The following ROBO1 variants were observed in gnomAD, a reference collection of about 807,000 sequenced individuals.
The protein encoded by ROBO1 is roundabout homolog 1.
ROBO1 carries 149 observed loss-of-function variants against 195.9 expected under a neutral mutation model. The ratio of observed to expected loss-of-function variants is 0.76; its 90% CI spans 0.67 to 0.87. The LOEUF (loss-of-function observed/expected upper bound fraction) is 0.87, where lower values mean the gene tolerates loss of function less well. ROBO1 is among the 40% of genes least tolerant of loss of function. The probability of loss-of-function intolerance (pLI) is 0.00; values close to 1 mark genes in which losing one functional copy is unlikely to be tolerated. For synonymous variants in ROBO1, 816 were observed against 733.2 expected (o/e 1.11, Z -1.82); for missense variants, 1,933 against 2,068.3 (o/e 0.93, Z 1.27).
At chr3:78,944,983 C>T (rs1039016326) in intron 3 of ROBO1, among the ~76,000 whole-genome samples, 3 of 152,124 alleles carry the variant, frequency 2.0e-5, no homozygotes, top group Non-Finnish European at 4.4e-5. Flanking sequence ...CCGCCATTGC[C>T]GAGTTAGTTG....
chr3:78,778,703 A>C (rs993114005), intron 4 of ROBO1, among the ~76,000 whole-genome samples: 1 of 152,192 alleles, frequency 6.6e-6, no homozygotes, highest in African/African-American at 2.4e-5. Flanking sequence ...AAAGTAATTT[A>C]TAGATTCAAC....
At chr3:78,840,993 T>C (rs1036562585) in intron 4 of ROBO1, among the ~76,000 whole-genome samples, 2 of 148,790 alleles carry the variant, frequency 1.3e-5, no homozygotes, top group Admixed American at 6.8e-5. Context: ...ACCTGGGAGG[T>C]AGAGCTTGCA....
At chr3:78,603,511 A>T (rs1237187375) in intron 29 of ROBO1, among the ~76,000 whole-genome samples, 2 of 152,146 alleles carry the variant, frequency 1.3e-5, no homozygotes, top group Non-Finnish European at 1.5e-5. Context: ...TTATACATAA[A>T]TCTCAGGATT....
Position 79,125,449 on chromosome 3 carries a change from ACT to A in ROBO1, c.172+5_172+6del. Reference sequence around the variant, plus strand: ...GGAAGTTAGTATTTGGGAAAGAGACACTCTACCTGTATAGCCCAGCGAATTGT... The same window carrying A: ...GGAAGTTAGTATTTGGGAAAGAGACACTACCTGTATAGCCCAGCGAATTGT... On this transcript the variant is annotated splice_donor_5th_base_variant and intron_variant, in intron 3 of 30. Transcript: ENST00000464233. The A allele has an allele frequency of 1.2e-6, 2 of 1,612,124 alleles. No individual in the cohort carries two copies. The highest frequency in any genetic ancestry group is 8.5e-7 in the Non-Finnish European group (1 of 1,178,756).
At chr3:78,920,642 TTTTTTTTTTTG>T in intron 4 of ROBO1, among the ~76,000 whole-genome samples, 1 of 139,468 alleles carries the variant, frequency 7.2e-6, no homozygotes, top group Non-Finnish European at 1.5e-5. Flanking sequence ...TTTTTTTTTT[TTTTTTTTTTTG>T]ACAGAAGGTT....
intron 1 of ROBO1, among the ~76,000 whole-genome samples, chr3:79,760,703 T>A (rs533193722): frequency 3.3e-5 from 5 of 151,436 alleles, no homozygotes; most frequent in African/African-American, 1.2e-4. Flanking sequence ...CTGGCAAAAT[T>A]ACAAAATGTG....
At chr3:79,365,236 C>T (rs1432797088) in intron 2 of ROBO1, among the ~76,000 whole-genome samples, 1 of 152,140 alleles carries the variant, frequency 6.6e-6, no homozygotes, top group Non-Finnish European at 1.5e-5. Context: ...TTTTTTATAT[C>T]TCTGTGCCAT....
At chr3:78,680,618 C>G (rs1409604746) in intron 10 of ROBO1, among the ~76,000 whole-genome samples, 3 of 151,082 alleles carry the variant, frequency 2.0e-5, no homozygotes, top group Non-Finnish European at 4.4e-5. Flanking sequence ...AAATGCAAAT[C>G]AAAACCACAA....
intron 2 of ROBO1, among the ~76,000 whole-genome samples, chr3:79,566,658 A>C (rs1943099270): frequency 6.6e-6 from 1 of 152,154 alleles, no homozygotes; most frequent in Non-Finnish European, 1.5e-5. Flanking sequence ...GTCATGCAGG[A>C]ATGTTTAAAA....
At chr3:79,428,251 G>T (rs1369109468) in intron 2 of ROBO1, among the ~76,000 whole-genome samples, 1 of 152,016 alleles carries the variant, frequency 6.6e-6, no homozygotes, top group Admixed American at 6.6e-5. Flanking sequence ...AATATCTCAT[G>T]TAACTTATAC....
intron 2 of ROBO1, among the ~76,000 whole-genome samples, chr3:79,149,690 T>C (rs188947457): frequency 1.3e-4 from 19 of 151,922 alleles, no homozygotes; most frequent in Admixed American, 5.3e-4. Context: ...TTCAGTGTTT[T>C]GGCGAGTCTG....
At chr3:79,452,999 C>G (rs1361869390) in intron 2 of ROBO1, among the ~76,000 whole-genome samples, 1 of 151,922 alleles carries the variant, frequency 6.6e-6, no homozygotes, top group East Asian at 1.9e-4. Flanking sequence ...AATATACATA[C>G]ATATTGTACA....
chr3:79,232,298 GTA>G (rs1397898067), intron 2 of ROBO1, among the ~76,000 whole-genome samples: 1 of 148,072 alleles, frequency 6.8e-6, no homozygotes, highest in Admixed American at 6.7e-5. Flanking sequence ...ATCTAAAGAG[GTA>G]ACAAAAAAGA....
intron 28 of ROBO1, among the ~76,000 whole-genome samples, chr3:78,613,025 C>T (rs1215208533): frequency 1.3e-5 from 2 of 152,124 alleles, no homozygotes; most frequent in East Asian, 3.9e-4. Flanking sequence ...TAATTATTAA[C>T]ACTGAAACAA....
chr3:79,170,709 A>AT (rs200183383), intron 2 of ROBO1, among the ~76,000 whole-genome samples: 19 of 151,312 alleles, frequency 1.3e-4, no homozygotes, highest in South Asian at 8.4e-4. Context: ...TAGACAAGTT[A>AT]TTTTTTTTTC....
chr3:79,546,469 C>T (rs2107657177), intron 2 of ROBO1, among the ~76,000 whole-genome samples: 1 of 152,252 alleles, frequency 6.6e-6, no homozygotes, highest in African/African-American at 2.4e-5. Flanking sequence ...TAAAAAAATT[C>T]ATTGACTTTT....
chr3:79,238,369 C>A (rs1057483812), intron 2 of ROBO1, among the ~76,000 whole-genome samples: 1 of 152,154 alleles, frequency 6.6e-6, no homozygotes, highest in East Asian at 1.9e-4. Flanking sequence ...TTCAAAATTT[C>A]TGGAAATGCA....
intron 1 of ROBO1, among the ~76,000 whole-genome samples, chr3:79,716,954 A>G (rs1385607644): frequency 6.6e-6 from 1 of 152,014 alleles, no homozygotes; most frequent in Non-Finnish European, 1.5e-5. Context: ...AATTTTGAAC[A>G]AAGAAGTAAC....
rs552106145 is a variant in ROBO1, at chr3:79,015,621, A to T, written c.173-76694T>A. Among the ~76,000 whole-genome samples the T allele has an allele frequency of 8.5e-5, 13 of 152,266 alleles. No homozygotes were observed. In the South Asian group the frequency reaches 2.5e-3, roughly 29 times the overall value. ...CCCTCCCACCCCGCAAACTCACCAG[A>T]AGTCTGTCTGTCCATAGAAAAGGCA... On this transcript the variant is annotated intron_variant, in intron 3 of 30. Transcript: ENST00000464233.
Sources: gnomAD v4.1 joint callset for allele counts (sites outside exome capture counted in the v4.1 genomes callset) on GRCh38, gnomAD v4.1.1 for gene constraint, MANE v1.5 for transcripts, NCBI Gene and HGNC (gene_info 2026-07-23, HGNC 2026-07-21) for gene names.